ASPH: variants seen among roughly 807,000 people sequenced by gnomAD.
The protein encoded by ASPH is aspartate beta-hydroxylase.
In ASPH, 100 loss-of-function variants were observed where a neutral mutation model predicts 118.4. The ratio of observed to expected loss-of-function variants is 0.84; its 90% CI spans 0.72 to 1.00. The LOEUF is 1.00. Ranked by LOEUF, ASPH falls within the 50% of genes least tolerant of loss-of-function variation. ASPH has a pLI of 0.00. For missense variants in ASPH, 920 were observed against 919.5 expected (o/e 1.00, Z -0.01); for synonymous variants, 315 against 325.6 (o/e 0.97, Z 0.35).
intron 1 of ASPH, among the ~76,000 whole-genome samples, chr8:61,692,495 G>C (rs761280806): frequency 1.3e-5 from 2 of 152,132 alleles, no homozygotes; most frequent in Non-Finnish European, 2.9e-5. Context: ...CTTCCAACGT[G>C]TGTTCTGAGA....
At chr8:61,562,389 C>CTCTGTGTG (rs71257370) in intron 18 of ASPH, among the ~76,000 whole-genome samples, 5,507 of 128,932 alleles carry the variant, frequency 0.043, 200 homozygotes, top group Admixed American at 0.087. Context: ...GAAAGTGTGT[C>CTCTGTGTG]TGTGTGTGTG....
intron 17 of ASPH, among the ~76,000 whole-genome samples, chr8:61,563,831 T>C (rs981243086): frequency 6.6e-6 from 1 of 152,228 alleles, no homozygotes; most frequent in Non-Finnish European, 1.5e-5. Context: ...AACAAAAGCA[T>C]GGACACAAAC....
chr8:61,638,526 T>C (rs1858937006), intron 10 of ASPH, among the ~76,000 whole-genome samples, 163 bp from the exon 11 acceptor site: 1 of 152,304 alleles, frequency 6.6e-6, no homozygotes, highest in African/African-American at 2.4e-5. Flanking sequence ...AAGAGTTTGG[T>C]CTAGGGTAAA....
intron 14 of ASPH, among the ~76,000 whole-genome samples, chr8:61,590,190 T>C (rs1840675538): frequency 6.6e-6 from 1 of 152,026 alleles, no homozygotes; most frequent in Non-Finnish European, 1.5e-5. Context: ...GGTGTAGATA[T>C]TGCTCAGGGA....
intron 18 of ASPH, among the ~76,000 whole-genome samples, chr8:61,560,311 G>A (rs1829367893): frequency 6.6e-6 from 1 of 152,140 alleles, no homozygotes; most frequent in South Asian, 2.1e-4. Context: ...ACAGACTGGA[G>A]CAAATGATGT....
rs533870158 is a variant in ASPH, at chr8:61,545,502, G to A, written c.1764+2569C>T. Among the ~76,000 whole-genome samples the A allele has an allele frequency of 8.5e-5, 13 of 152,334 alleles. No individual in the cohort carries two copies. In the South Asian group the frequency reaches 1.7e-3, roughly 19 times the overall value. On this transcript the variant is annotated intron_variant, in intron 21 of 24. Transcript: ENST00000379454. Reference sequence around the variant, plus strand: ...TACGTGGTGAGTTAATGTTCACACCGAATGTTAATGTTTTAATAGAGCTGA... The same window carrying A: ...TACGTGGTGAGTTAATGTTCACACCAAATGTTAATGTTTTAATAGAGCTGA...
At chr8:61,602,557 T>C (rs992058239) in intron 14 of ASPH, among the ~76,000 whole-genome samples, 2 of 151,394 alleles carry the variant, frequency 1.3e-5, no homozygotes, top group African/African-American at 4.9e-5. Flanking sequence ...GACAAAGATG[T>C]CCATGCATAA....
Position 61,583,993 on chromosome 8 carries a change from T to C in ASPH, c.1013A>G (p.Asp338Gly). 1.9e-6 allele frequency: 3 copies of C among 1,579,136 alleles called. No homozygotes were observed. Among genetic ancestry groups the C allele is most frequent in the Non-Finnish European group, 1.7e-6 (2 of 1,161,326 alleles). ...ATCAAGTTCAGCTTTAATAGTCTTA[T>C]CAAATTTATTTAAAAGTTTAGGCTT... is the stretch of plus-strand genomic sequence containing the variant. ...KKKPKLLNKF[D>G]KTIKAELDAA... Residue 338 changes from aspartate to glycine, a missense_variant, in exon 15 of 25, where the codon GAT (aspartate) becomes GGT (glycine). Transcript: ENST00000379454.
intron 3 of ASPH, chr8:61,665,122 A>G: frequency 6.9e-7 from 1 of 1,452,954 alleles, no homozygotes; most frequent in South Asian, 1.7e-5. Context: ...CTTGCTAAGC[A>G]CCAATGATAC....
chr8:61,514,588 A>G (rs1810165731), intron 24 of ASPH, among the ~76,000 whole-genome samples: 1 of 152,078 alleles, frequency 6.6e-6, no homozygotes, highest in African/African-American at 2.4e-5. Context: ...GGGTGCCTGT[A>G]GTCCCAGCTA....
At chr8:61,663,629 GT>G in intron 3 of ASPH, 3 of 985,364 alleles carry the variant, frequency 3.0e-6, no homozygotes, top group Non-Finnish European at 3.6e-6. Context: ...GGTTTACAAT[GT>G]TCTTGTAATG....
chr8:61,664,086 CATT>C, intron 3 of ASPH: 2 of 976,158 alleles, frequency 2.0e-6, no homozygotes, highest in Non-Finnish European at 2.4e-6. Context: ...GAGATTTTAT[CATT>C]ATCAACTAAC....
intron 2 of ASPH, among the ~76,000 whole-genome samples, chr8:61,682,834 A>T (rs1314071084): frequency 6.6e-6 from 1 of 152,150 alleles, no homozygotes; most frequent in Non-Finnish European, 1.5e-5. Context: ...ATGCAAGGGG[A>T]TATCACCCAT....
chr8:61,613,341 T>G (rs1025767788), intron 14 of ASPH, among the ~76,000 whole-genome samples: 3 of 152,166 alleles, frequency 2.0e-5, no homozygotes, highest in Admixed American at 1.3e-4. Flanking sequence ...GCTCTGCGGA[T>G]TTTGGACTGG....
Position 61,714,553 on chromosome 8 carries a change from G to A in ASPH, c.-182C>T, listed in dbSNP as rs1838931525. The A allele has an allele frequency of 1.1e-6, 1 of 940,202 alleles. No individual in the cohort carries two copies. Among genetic ancestry groups the A allele is most frequent in the African/African-American group, 1.7e-5 (1 of 57,686 alleles). 58.2% of individuals were successfully genotyped at this position (940,202 alleles called of 1,614,324 possible). On this transcript the variant is annotated 5_prime_UTR_variant, in exon 1 of 25. Transcript: ENST00000379454. Reference sequence around the variant, plus strand: ...CCTGGGAAGACTTCACCCGCCTGCCGGCTGCGCGCGCCCGGCCTCGCGTGT... The same window carrying A: ...CCTGGGAAGACTTCACCCGCCTGCCAGCTGCGCGCGCCCGGCCTCGCGTGT...
At chr8:61,558,706 T>C (rs1828763874) in intron 18 of ASPH, among the ~76,000 whole-genome samples, 1 of 152,230 alleles carries the variant, frequency 6.6e-6, no homozygotes. Context: ...CCATGCTCAC[T>C]GCAGTTTATA....
chr8:61,532,955 C>A (rs1167582559), intron 21 of ASPH, among the ~76,000 whole-genome samples: 1 of 151,626 alleles, frequency 6.6e-6, no homozygotes, highest in African/African-American at 2.4e-5. Context: ...GATTTTAAGA[C>A]CTTCTCTTTC....
intron 21 of ASPH, among the ~76,000 whole-genome samples, chr8:61,533,180 A>G (rs748308728): frequency 2.0e-5 from 3 of 150,464 alleles, no homozygotes; most frequent in Non-Finnish European, 4.4e-5. Flanking sequence ...GCCTCTAATC[A>G]TCCTATGTTT....
intron 17 of ASPH, among the ~76,000 whole-genome samples, chr8:61,566,558 T>C (rs1273163498): frequency 6.6e-6 from 1 of 152,242 alleles, no homozygotes; most frequent in Non-Finnish European, 1.5e-5. Flanking sequence ...AAAAGTTCTG[T>C]AGGCAAAATA....
Sources: gnomAD v4.1 joint callset for allele counts (sites outside exome capture counted in the v4.1 genomes callset) on GRCh38, gnomAD v4.1.1 for gene constraint, MANE v1.5 for transcripts, NCBI Gene and HGNC (gene_info 2026-07-23, HGNC 2026-07-21) for gene names.